The following WWOX variants were observed in gnomAD, a reference collection of about 807,000 sequenced individuals.
The protein encoded by WWOX is WW domain-containing oxidoreductase.
In WWOX, 69 loss-of-function variants were observed where a neutral mutation model predicts 46.2. The observed-to-expected ratio is 1.49, with a 90% CI of 1.23 to 1.82. The LOEUF (loss-of-function observed/expected upper bound fraction) is 1.82. Among genes scored for constraint, WWOX ranks in the 40% most tolerant of loss-of-function variants. WWOX has a pLI of 0.00. For synonymous variants in WWOX, 359 were observed against 202.6 expected (o/e 1.77, Z -6.56); for missense variants, 919 against 542.6 (o/e 1.69, Z -6.89).
At chr16:78,910,243 G>C (rs576761494) in intron 8 of WWOX, among the ~76,000 whole-genome samples, 1 of 150,276 alleles carries the variant, frequency 6.7e-6, no homozygotes, top group South Asian at 2.1e-4. Context: ...TTACAAGCCA[G>C]TGCAGGTGGA....
intron 8 of WWOX, among the ~76,000 whole-genome samples, chr16:78,687,067 C>A (rs997778303): frequency 6.7e-6 from 1 of 148,164 alleles, no homozygotes; most frequent in African/African-American, 2.5e-5. Context: ...TTATTTTCAT[C>A]TTTATTTTAT....
At chr16:78,406,307 TATA>T (rs2082534624) in intron 6 of WWOX, among the ~76,000 whole-genome samples, 1 of 16,406 alleles carries the variant, frequency 6.1e-5, no homozygotes, top group Non-Finnish European at 9.6e-5. Context: ...AATATAAATA[TATA>T]TATATATATA....
chr16:78,139,919 G>A (rs549014606), intron 4 of WWOX, among the ~76,000 whole-genome samples: 4 of 152,174 alleles, frequency 2.6e-5, no homozygotes, highest in East Asian at 1.9e-4. Context: ...GTCTGCCTGC[G>A]GAATAAAGGG....
chr16:78,230,818 A>G (rs1400379198), intron 5 of WWOX, among the ~76,000 whole-genome samples: 8 of 152,224 alleles, frequency 5.3e-5, no homozygotes, highest in Admixed American at 5.2e-4. Flanking sequence ...CACCTATCAC[A>G]ATATGTGTTC....
In WWOX at chr16:78,544,132, C is replaced by T. The variant is rs575597146; in HGVS notation, c.1056+111380C>T. Among the ~76,000 whole-genome samples, 34 of 152,114 alleles carry T rather than the reference C, an allele frequency of 2.2e-4. No individual in the cohort carries two copies. The South Asian group carries it at 7.1e-3, about 32-fold the overall frequency. On this transcript the variant is annotated intron_variant, in intron 8 of 8. Transcript: ENST00000566780. ...GAATTAATTTACTTGCATATATTGG[C>T]CAAGATCTAGCATAATCTCTTAATA...
chr16:78,708,283 G>A lies in WWOX; in HGVS notation c.1056+275531G>A, dbSNP rs562134580. Among the ~76,000 whole-genome samples the A allele has an allele frequency of 2.6e-5, 4 of 152,248 alleles. No individual in the cohort carries two copies. In the South Asian group the frequency reaches 8.3e-4, roughly 32 times the overall value. On this transcript the variant is annotated intron_variant, in intron 8 of 8. Transcript: ENST00000566780. ...TAAAAATGTATCCCATGCAGTATTT[G>A]GAGCATATACTCTAAAAATTTTCTT...
chr16:78,405,011 G>A (rs985696805), intron 6 of WWOX, among the ~76,000 whole-genome samples: 5 of 152,158 alleles, frequency 3.3e-5, no homozygotes, highest in African/African-American at 4.8e-5. Context: ...GCATGTGGAT[G>A]TACTTCTATT....
In WWOX at chr16:78,728,750, A is replaced by G. The variant is rs76307341; in HGVS notation, c.1056+295998A>G. On this transcript the variant is annotated intron_variant, in intron 8 of 8. Coordinates refer to ENST00000566780, the MANE Select transcript of WWOX (RefSeq NM_016373.4). Reference sequence around the variant, plus strand: ...TCCTATGATTCCAAGAGGGAAAACAATCTTCCTTGTAAAGAGAGTTAAGTG... The same window carrying G: ...TCCTATGATTCCAAGAGGGAAAACAGTCTTCCTTGTAAAGAGAGTTAAGTG... Among the ~76,000 whole-genome samples the G allele has an allele frequency of 8.8e-3, 1,334 of 152,292 alleles. 12 individuals carry two copies. Among genetic ancestry groups the G allele is most frequent in the African/African-American group, 0.03 (1,268 of 41,574 alleles).
chr16:78,960,506 C>A (rs1032501409), intron 8 of WWOX, among the ~76,000 whole-genome samples: 1 of 152,182 alleles, frequency 6.6e-6, no homozygotes, highest in Non-Finnish European at 1.5e-5. Flanking sequence ...ATTACAACTG[C>A]CTCATTTTGT....
At chr16:78,749,618 A>C (rs2049429862) in intron 8 of WWOX, among the ~76,000 whole-genome samples, 1 of 152,218 alleles carries the variant, frequency 6.6e-6, no homozygotes, top group Admixed American at 6.5e-5. Flanking sequence ...GAGGATAAGG[A>C]AGCATGAATT....
intron 8 of WWOX, among the ~76,000 whole-genome samples, chr16:78,802,927 AAAAAAAAAAAAAAAAC>A (rs1476251655): frequency 2.7e-5 from 3 of 111,688 alleles, no homozygotes; most frequent in African/African-American, 1.1e-4. Context: ...AAAAAAAAAA[AAAAAAAAAAAAAAAAC>A]AACAAACAGA....
At chr16:78,211,346 C>T (rs1196656314) in intron 5 of WWOX, among the ~76,000 whole-genome samples, 4 of 152,158 alleles carry the variant, frequency 2.6e-5, no homozygotes, top group Non-Finnish European at 5.9e-5. Context: ...ATTCATTCTT[C>T]CTTTTGTTCA....
intron 8 of WWOX, among the ~76,000 whole-genome samples, chr16:78,463,923 T>C (rs2084012873): frequency 6.6e-6 from 1 of 152,192 alleles, no homozygotes; most frequent in East Asian, 1.9e-4. Context: ...ATGTTCAATT[T>C]GTACTGCTGG....
chr16:78,621,324 C>T (rs1466669060), intron 8 of WWOX, among the ~76,000 whole-genome samples: 1 of 152,030 alleles, frequency 6.6e-6, no homozygotes, highest in African/African-American at 2.4e-5. Flanking sequence ...CTTCTAACCC[C>T]CTACTCACCA....
At chr16:78,729,085 G>A (rs2048902974) in intron 8 of WWOX, among the ~76,000 whole-genome samples, 1 of 152,120 alleles carries the variant, frequency 6.6e-6, no homozygotes, top group Non-Finnish European at 1.5e-5. Flanking sequence ...GCTCATGCCT[G>A]CAATCCCAGC....
chr16:78,310,870 C>G (rs1331985374), intron 5 of WWOX, among the ~76,000 whole-genome samples: 1 of 152,192 alleles, frequency 6.6e-6, no homozygotes, highest in South Asian at 2.1e-4. Context: ...CAGCCCCAGA[C>G]CCACCTTCGA....
At chr16:78,830,762 C>G (rs1317457387) in intron 8 of WWOX, among the ~76,000 whole-genome samples, 1 of 151,752 alleles carries the variant, frequency 6.6e-6, no homozygotes, top group Non-Finnish European at 1.5e-5. Flanking sequence ...GAGGGAACAT[C>G]TGAGCAGCTC....
intron 5 of WWOX, 23 bp downstream of exon 5, chr16:78,164,312 T>G (rs773312553): frequency 6.2e-7 from 1 of 1,604,924 alleles, no homozygotes; most frequent in Non-Finnish European, 8.5e-7. Context: ...CTGTTGTTGT[T>G]TTTTTTAATT....
At chr16:78,320,876 A>C (rs1287617142) in intron 5 of WWOX, among the ~76,000 whole-genome samples, 2 of 152,188 alleles carry the variant, frequency 1.3e-5, no homozygotes, top group African/African-American at 2.4e-5. Flanking sequence ...TGATCACAAA[A>C]ATGAAAATAG....
Sources: allele counts gnomAD v4.1 joint callset (sites outside exome capture counted in the v4.1 genomes callset), GRCh38; gene constraint gnomAD v4.1.1; transcripts MANE v1.5; gene names NCBI Gene and HGNC (gene_info 2026-07-23, HGNC 2026-07-21).